ARSG: variants seen among roughly 807,000 people sequenced by gnomAD.
ARSG encodes the protein ASG.
A neutral mutation model predicts 50.5 loss-of-function variants in ARSG; 37 were observed. The observed-to-expected ratio is 0.73, with a 90% CI of 0.56 to 0.96. The LOEUF (loss-of-function observed/expected upper bound fraction) is 0.96. Ranked by LOEUF, ARSG falls within the 50% of genes least tolerant of loss-of-function variation. The pLI is 0.00. For synonymous variants in ARSG, 225 were observed against 254.6 expected (o/e 0.88, Z 1.11); for missense variants, 629 against 675.3 (o/e 0.93, Z 0.76).
chr17:68,407,420 T>C (rs951369662), intron 11 of ARSG, among the ~76,000 whole-genome samples: 1 of 152,164 alleles, frequency 6.6e-6, no homozygotes, highest in Non-Finnish European at 1.5e-5. Context: ...TTGATGGGGA[T>C]TGTGTTGGAT....
chr17:68,370,702 G>A (rs1333961662), intron 8 of ARSG, among the ~76,000 whole-genome samples, 178 bp downstream of exon 8: 1 of 152,160 alleles, frequency 6.6e-6, no homozygotes. Flanking sequence ...ACAAGTAGTG[G>A]TGGAGAAAAC....
intron 1 of ARSG, chr17:68,273,840 A>G: frequency 6.9e-7 from 1 of 1,454,992 alleles, no homozygotes; most frequent in East Asian, 2.3e-5. Flanking sequence ...AGAAAGAAAT[A>G]TAGTTTGGCT....
intron 9 of ARSG, 137 bp from the exon 10 acceptor site, chr17:68,394,936 C>A: frequency 1.6e-6 from 2 of 1,217,720 alleles, no homozygotes; most frequent in Non-Finnish European, 2.3e-6. Flanking sequence ...GAAAAACAAG[C>A]AGGTAGAGAA....
chr17:68,362,358 G>A (rs562006003), intron 6 of ARSG, among the ~76,000 whole-genome samples: 1 of 152,058 alleles, frequency 6.6e-6, no homozygotes, highest in Non-Finnish European at 1.5e-5. Flanking sequence ...ATGCAGAGAC[G>A]GATCTCTAGT....
chr17:68,291,962 A>G (rs1431216159), intron 1 of ARSG, among the ~76,000 whole-genome samples: 1 of 151,432 alleles, frequency 6.6e-6, no homozygotes, highest in Non-Finnish European at 1.5e-5. Context: ...GGTTCCTTCC[A>G]GTTTGGGTGT....
At chr17:68,441,597 G>C in the ARSG span, among the ~76,000 whole-genome samples, 2 of 152,174 alleles carry the variant, frequency 1.3e-5, no homozygotes, top group African/African-American at 4.8e-5. Context: ...GTGAGGACCT[G>C]GTCATGTCAC....
At chr17:68,272,359 C>T (rs2075370497) in intron 1 of ARSG, among the ~76,000 whole-genome samples, 1 of 152,122 alleles carries the variant, frequency 6.6e-6, no homozygotes, top group Admixed American at 6.5e-5. Flanking sequence ...TGAATAATTG[C>T]AAATTACTAG....
intron 11 of ARSG, among the ~76,000 whole-genome samples, chr17:68,417,733 ATTTTTTTTTTTTTTTTTT>A (rs770292731): frequency 6.6e-5 from 4 of 60,788 alleles, no homozygotes; most frequent in East Asian, 6.4e-4. Flanking sequence ...GAGTTGCTGA[ATTTTTTTTTTTTTTTTTT>A]TTTTTTTTTT....
At chr17:68,324,696 T>A (rs558619015) in intron 2 of ARSG, among the ~76,000 whole-genome samples, 12 of 152,348 alleles carry the variant, frequency 7.9e-5, no homozygotes, top group Non-Finnish European at 1.5e-4. Context: ...CTTCCTTCTC[T>A]GTAGAATGGG....
chr17:68,434,556 CT>C, the ARSG span: 1 of 1,613,886 alleles, frequency 6.2e-7, no homozygotes. Flanking sequence ...GAACACAGAC[CT>C]TTTCATCCCT....
chr17:68,415,649 G>A (rs1467303722), intron 11 of ARSG, among the ~76,000 whole-genome samples: 4 of 152,072 alleles, frequency 2.6e-5, no homozygotes, highest in Admixed American at 6.5e-5. Context: ...TTGTGTTGCC[G>A]TCTATCTCAT....
chr17:68,393,867 C>CAAAAAAAAAAAAAA lies in ARSG; in HGVS notation c.1092-1205_1092-1192dup, dbSNP rs762829963. ...TGGGCAACAGAACAAGACTCCATCT[C>CAAAAAAAAAAAAAA]AAAAAAAAAAAAAAGGGAAAGAAAA... is the stretch of plus-strand genomic sequence containing the variant. On this transcript the variant is annotated intron_variant, in intron 9 of 11. Coordinates refer to ENST00000621439, the MANE Select transcript of ARSG (RefSeq NM_001267727.2). Among the ~76,000 whole-genome samples, 202 of 106,144 alleles carry CAAAAAAAAAAAAAA rather than the reference C, an allele frequency of 1.9e-3. 6 individuals carry two copies. Among genetic ancestry groups the CAAAAAAAAAAAAAA allele is most frequent in the African/African-American group, 6.8e-3 (186 of 27,410 alleles). 69.6% of individuals were successfully genotyped at this position (106,144 alleles called of 152,430 possible). A position where few individuals can be genotyped will look rare whatever the true frequency, so the allele number is the denominator to read the frequency against.
At chr17:68,316,741 A>G (rs2077083693) in intron 2 of ARSG, among the ~76,000 whole-genome samples, 1 of 152,178 alleles carries the variant, frequency 6.6e-6, no homozygotes, top group African/African-American at 2.4e-5. Flanking sequence ...CCTGGCATGT[A>G]TTGGTGCTTG....
chr17:68,417,923 G>A (rs1379028864), intron 11 of ARSG, among the ~76,000 whole-genome samples: 1 of 151,402 alleles, frequency 6.6e-6, no homozygotes, highest in Non-Finnish European at 1.5e-5. Context: ...GTAGAGACGG[G>A]GTTTTACCAT....
chr17:68,322,669 C>T (rs368072845), intron 2 of ARSG, among the ~76,000 whole-genome samples: 2 of 151,720 alleles, frequency 1.3e-5, no homozygotes, highest in East Asian at 3.9e-4. Flanking sequence ...ATAGCTGTTC[C>T]CAAGATGAGG....
chr17:68,441,963 T>C, the ARSG span, among the ~76,000 whole-genome samples: 1 of 152,216 alleles, frequency 6.6e-6, no homozygotes, highest in Non-Finnish European at 1.5e-5. Context: ...TTCTTTTATC[T>C]GAGACAGAGG....
chr17:68,273,175 T>G (rs1443866664), intron 1 of ARSG, among the ~76,000 whole-genome samples: 2 of 152,104 alleles, frequency 1.3e-5, no homozygotes, highest in African/African-American at 4.8e-5. Context: ...CTATCATCTA[T>G]GAGGAATATA....
At chr17:68,398,778 G>A (rs2081356825) in intron 10 of ARSG, among the ~76,000 whole-genome samples, 2 of 152,208 alleles carry the variant, frequency 1.3e-5, no homozygotes, top group South Asian at 4.1e-4. Context: ...AACCTCTAGG[G>A]ACGTTGTCTC....
chr17:68,297,969 C>CT (rs56199177), intron 1 of ARSG, among the ~76,000 whole-genome samples: 106,593 of 132,038 alleles, frequency 0.81, 45,153 homozygotes, highest in East Asian at 0.93. Context: ...TACTGTGACT[C>CT]TTTTTTTTTT....
Sources: gnomAD v4.1 joint callset for allele counts (sites outside exome capture counted in the v4.1 genomes callset) on GRCh38, gnomAD v4.1.1 for gene constraint, MANE v1.5 for transcripts, NCBI Gene and HGNC (gene_info 2026-07-23, HGNC 2026-07-21) for gene names.